Variants in PCDHA5 observed in about 807,000 individuals in gnomAD.
PCDHA5 encodes the protein protocadherin alpha-5.
In PCDHA5, 43 loss-of-function variants were observed where a neutral mutation model predicts 61.6. That is an observed-to-expected ratio of 0.70 (90% CI 0.55 to 0.90). The LOEUF (loss-of-function observed/expected upper bound fraction) is 0.90. Ranked by LOEUF, PCDHA5 falls within the 40% of genes least tolerant of loss-of-function variation. The pLI is 0.00. For synonymous variants in PCDHA5, 627 were observed against 543.9 expected (o/e 1.15, Z -2.13); for missense variants, 1,298 against 1,222.7 (o/e 1.06, Z -0.92).
Position 140,870,545 on chromosome 5 carries a change from C to T in PCDHA5, c.2352+46418C>T, listed in dbSNP as rs1029944968. The T allele has an allele frequency of 1.2e-6, 2 of 1,614,108 alleles. No individual in the cohort carries two copies. Among genetic ancestry groups the T allele is most frequent in the Admixed American group, 1.7e-5 (1 of 60,034 alleles). On this transcript the variant is annotated intron_variant, in intron 1 of 3. Coordinates refer to ENST00000529859, the MANE Select transcript of PCDHA5 (RefSeq NM_018908.3). The stretch of plus-strand genomic sequence containing the variant: ...ATCTTCACAGTGTCGGCGCGGGACG[C>T]GGACGCGCAGGAGAACGCGCTGGTG...
chr5:140,934,001 T>A (rs2089559391), intron 1 of PCDHA5, among the ~76,000 whole-genome samples: 1 of 152,066 alleles, frequency 6.6e-6, no homozygotes, highest in Admixed American at 6.6e-5. Context: ...TCACCTCTCA[T>A]TTTTCTTGAC....
chr5:140,959,254 G>A (rs1318438220), intron 1 of PCDHA5, among the ~76,000 whole-genome samples: 3 of 152,054 alleles, frequency 2.0e-5, no homozygotes, highest in Non-Finnish European at 2.9e-5. Context: ...GTGCATGACT[G>A]TAGTCCCAGC....
intron 1 of PCDHA5, chr5:140,834,480 T>C: frequency 1.2e-6 from 2 of 1,614,154 alleles, no homozygotes; most frequent in Non-Finnish European, 8.5e-7. Flanking sequence ...CCAGCTCCAC[T>C]ACTCGGTCCC....
chr5:140,980,695 G>A (rs1403740157), intron 2 of PCDHA5, among the ~76,000 whole-genome samples: 1 of 149,792 alleles, frequency 6.7e-6, no homozygotes, highest in Non-Finnish European at 1.5e-5. Context: ...AAAAAAAAAA[G>A]CCAAATGTGC....
rs782039603 is a variant in PCDHA5 at position 140,876,722 on chromosome 5, G to A, written c.2352+52595G>A. 2.5e-6 allele frequency: 4 copies of A among 1,614,134 alleles called. No individual in the cohort carries two copies. In the Admixed American group the frequency reaches 5.0e-5, roughly 20 times the overall value. On this transcript the variant is annotated intron_variant, in intron 1 of 3. Coordinates refer to ENST00000529859, the MANE Select transcript of PCDHA5 (RefSeq NM_018908.3). ...CTGGACAGCGCCCTGGACCGCGAGA[G>A]CGTGTCGGCCTATGAGCTGGTGGTG...
rs2150424044 is a variant in PCDHA5, at chr5:140,848,904, C to G, written c.2352+24777C>G. ...CAACCCTCCAGTGTTCCCAGCGACACAAAAGAATCTGTTCATCGCGGAATC... is the reference window on the plus strand; with the variant it reads ...CAACCCTCCAGTGTTCCCAGCGACAGAAAAGAATCTGTTCATCGCGGAATC... On this transcript the variant is annotated intron_variant, in intron 1 of 3. Coordinates refer to ENST00000529859, the MANE Select transcript of PCDHA5 (RefSeq NM_018908.3). 1 of 1,608,060 alleles carries G rather than the reference C, an allele frequency of 6.2e-7. No individual in the cohort carries two copies. Among genetic ancestry groups the G allele is most frequent in the Non-Finnish European group, 8.5e-7 (1 of 1,176,922 alleles).
intron 1 of PCDHA5, among the ~76,000 whole-genome samples, chr5:140,897,966 T>C (rs1339473229): frequency 5.3e-5 from 8 of 152,276 alleles, no homozygotes; most frequent in African/African-American, 1.9e-4. Flanking sequence ...TTCATGTGTC[T>C]TTTGGCTGCA....
chr5:140,869,135 C>T, intron 1 of PCDHA5: 1 of 1,613,026 alleles, frequency 6.2e-7, no homozygotes. Flanking sequence ...GGATTGGGCA[C>T]CCCACGACTA....
intron 1 of PCDHA5, among the ~76,000 whole-genome samples, chr5:140,971,368 G>A (rs1433220574): frequency 1.3e-5 from 2 of 152,186 alleles, no homozygotes; most frequent in Non-Finnish European, 2.9e-5. Context: ...TGCCAGGAGA[G>A]TGCATGACTT....
intron 1 of PCDHA5, chr5:140,842,014 A>C: frequency 6.2e-7 from 1 of 1,613,836 alleles, no homozygotes; most frequent in Non-Finnish European, 8.5e-7. Flanking sequence ...TGCTGGTCAC[A>C]GTGCTGGATG....
intron 1 of PCDHA5, chr5:140,875,679 A>T (rs1554167850): frequency 4.3e-6 from 7 of 1,613,916 alleles, no homozygotes; most frequent in Non-Finnish European, 8.5e-7. Context: ...TGGCGTCCAA[A>T]AGACACGGGG....
chr5:140,841,575 T>C (rs1220947138), intron 1 of PCDHA5: 1 of 1,613,812 alleles, frequency 6.2e-7, no homozygotes, highest in Non-Finnish European at 8.5e-7. Flanking sequence ...GGCATTTTGT[T>C]TGTGAATTCT....
intron 1 of PCDHA5, 170 bp from the exon 2 acceptor site, chr5:140,978,779 C>T: frequency 2.1e-6 from 2 of 969,908 alleles, no homozygotes; most frequent in Non-Finnish European, 2.5e-6. Flanking sequence ...TAATTTTCTT[C>T]TAAAGTGCTA....
At chr5:140,962,084 A>G (rs541325949) in intron 1 of PCDHA5, among the ~76,000 whole-genome samples, 1 of 152,028 alleles carries the variant, frequency 6.6e-6, no homozygotes, top group African/African-American at 2.4e-5. Flanking sequence ...ACGGGGTTTC[A>G]CCATGTTAGC....
At chr5:140,967,056 G>C in intron 1 of PCDHA5, 1 of 1,612,712 alleles carries the variant, frequency 6.2e-7, no homozygotes, top group Non-Finnish European at 8.5e-7. Flanking sequence ...CTGACGAGTG[G>C]AGCGCTCTTC....
rs2098422174 is a variant in PCDHA5 at position 141,011,893 on chromosome 5, T to G, written c.*1956T>G. On this transcript the variant is annotated 3_prime_UTR_variant, in exon 4 of 4. Coordinates refer to ENST00000529859, the MANE Select transcript of PCDHA5 (RefSeq NM_018908.3). ...CAATTTAGAAGTTTGATTAATTATATTATCTATTTAGGCATTAATATAAAA... is the reference window on the plus strand; with the variant it reads ...CAATTTAGAAGTTTGATTAATTATAGTATCTATTTAGGCATTAATATAAAA... The G allele has an allele frequency of 6.5e-6, 1 of 153,362 alleles. No individual in the cohort carries two copies. Among genetic ancestry groups the G allele is most frequent in the Admixed American group, 6.5e-5 (1 of 15,272 alleles). 9.5% of individuals were successfully genotyped at this position (153,362 alleles called of 1,614,324 possible). A position where few individuals can be genotyped will look rare whatever the true frequency, so the allele number is the denominator to read the frequency against.
At chr5:140,882,566 G>C in intron 1 of PCDHA5, 2 of 1,614,252 alleles carry the variant, frequency 1.2e-6, no homozygotes, top group Non-Finnish European at 8.5e-7. Flanking sequence ...TGGGCGGAGC[G>C]CGGAGTGCAG....
intron 1 of PCDHA5, chr5:140,969,386 C>G (rs782109093): frequency 6.3e-7 from 1 of 1,596,966 alleles, no homozygotes; most frequent in South Asian, 1.1e-5. Flanking sequence ...TACACATCCC[C>G]CAATATCCTG....
chr5:140,857,010 T>C (rs782647115), intron 1 of PCDHA5: 1 of 1,595,968 alleles, frequency 6.3e-7, no homozygotes, highest in South Asian at 1.1e-5. Context: ...CATGTAGATG[T>C]TACAGATAAG....
Sources: allele counts gnomAD v4.1 joint callset (sites outside exome capture counted in the v4.1 genomes callset), GRCh38; gene constraint gnomAD v4.1.1; transcripts MANE v1.5; gene names NCBI Gene and HGNC (gene_info 2026-07-23, HGNC 2026-07-21).